The following ANO4 variants were observed in gnomAD, a reference collection of about 807,000 sequenced individuals.
The protein encoded by ANO4 is anoctamin 4, also known as anoctamin-4.
A neutral mutation model predicts 141.9 loss-of-function variants in ANO4; 69 were observed. The ratio of observed to expected loss-of-function variants is 0.49; its 90% CI spans 0.40 to 0.59. The LOEUF is 0.59. ANO4 is among the 20% of genes least tolerant of loss of function. The pLI is 0.00. For missense variants in ANO4, 894 were observed against 1,162.2 expected (o/e 0.77, Z 3.36); for synonymous variants, 350 against 394.3 (o/e 0.89, Z 1.33).
At chr12:100,774,173 A>C (rs1015707922) in intron 3 of ANO4, among the ~76,000 whole-genome samples, 2 of 138,452 alleles carry the variant, frequency 1.4e-5, no homozygotes, top group African/African-American at 5.1e-5. Context: ...TGTGCATCCT[A>C]TGTGGTTTTA....
intron 3 of ANO4, among the ~76,000 whole-genome samples, chr12:100,756,439 T>G (rs2032615434): frequency 6.6e-6 from 1 of 152,072 alleles, no homozygotes; most frequent in South Asian, 2.1e-4. Context: ...AACCTCTGCC[T>G]CCCAGATTCA....
intron 8 of ANO4, among the ~76,000 whole-genome samples, chr12:101,004,551 CAG>C (rs1385085909): frequency 6.6e-6 from 1 of 152,168 alleles, no homozygotes; most frequent in African/African-American, 2.4e-5. Flanking sequence ...CAGAGCATAT[CAG>C]AGAGACAGAC....
At chr12:100,828,054 AT>A (rs985169248) in intron 1 of ANO4, among the ~76,000 whole-genome samples, 1 of 151,612 alleles carries the variant, frequency 6.6e-6, no homozygotes, top group Non-Finnish European at 1.5e-5. Context: ...CTGTTAAAAA[AT>A]TTTTTTTTGA....
intron 1 of ANO4, among the ~76,000 whole-genome samples, chr12:100,804,908 T>G (rs1284232923): frequency 6.6e-6 from 1 of 152,236 alleles, no homozygotes; most frequent in East Asian, 1.9e-4. Flanking sequence ...GGTTGTCTGT[T>G]TGCTCTGATG....
At chr12:100,789,119 T>C (rs2033962706) in intron 3 of ANO4, among the ~76,000 whole-genome samples, 1 of 152,078 alleles carries the variant, frequency 6.6e-6, no homozygotes, top group Non-Finnish European at 1.5e-5. Context: ...TATTAGAGGC[T>C]CAAAAATATA....
At chr12:101,006,669 C>T (rs1181484352) in intron 8 of ANO4, among the ~76,000 whole-genome samples, 1 of 152,184 alleles carries the variant, frequency 6.6e-6, no homozygotes, top group African/African-American at 2.4e-5. Flanking sequence ...ACATCATGAA[C>T]CTCAATGCTG....
chr12:101,011,313 TTTTTC>T lies in ANO4; in HGVS notation c.735-8716_735-8712del, dbSNP rs1263407042. On this transcript the variant is annotated intron_variant, in intron 8 of 27. Coordinates refer to ENST00000392977, the MANE Select transcript of ANO4 (RefSeq NM_001286615.2). The stretch of plus-strand genomic sequence containing the variant: ...ACAGACATAGGAGGAATCATGGCCT[TTTTTC>T]TTTTTTTTTTTTTTTTTGCAATCTA... Among the ~76,000 whole-genome samples, 7 of 142,486 alleles carry T rather than the reference TTTTTC, an allele frequency of 4.9e-5. 1 individual carries two copies. The highest frequency in any genetic ancestry group is 1.9e-4 in the African/African-American group (7 of 37,512). 93.5% of individuals were successfully genotyped at this position (142,486 alleles called of 152,430 possible). A position where few individuals can be genotyped will look rare whatever the true frequency, so the allele number is the denominator to read the frequency against.
intron 5 of ANO4, among the ~76,000 whole-genome samples, chr12:100,957,172 G>A (rs1483630078): frequency 2.0e-5 from 3 of 152,304 alleles, no homozygotes; most frequent in East Asian, 1.9e-4. Flanking sequence ...GAAGCACAGC[G>A]CCAACACTTG....
intron 14 of ANO4, among the ~76,000 whole-genome samples, chr12:101,053,873 G>A (rs1453735434): frequency 6.6e-6 from 1 of 152,184 alleles, no homozygotes; most frequent in Non-Finnish European, 1.5e-5. Flanking sequence ...ATGGCTTCAC[G>A]CTGTAAGCAA....
chr12:100,760,123 G>A (rs1162999407), intron 3 of ANO4, among the ~76,000 whole-genome samples: 2 of 152,064 alleles, frequency 1.3e-5, no homozygotes, highest in African/African-American at 4.8e-5. Flanking sequence ...TTACTTCATT[G>A]CCTCTATTCT....
intron 16 of ANO4, among the ~76,000 whole-genome samples, chr12:101,085,222 A>T (rs538780355): frequency 5.9e-5 from 9 of 152,324 alleles, no homozygotes; most frequent in Admixed American, 3.3e-4. Context: ...TTTGATAATT[A>T]AGTGGGTTAA....
chr12:100,941,608 C>T (rs914430658), intron 4 of ANO4, among the ~76,000 whole-genome samples: 3 of 152,066 alleles, frequency 2.0e-5, no homozygotes, highest in African/African-American at 7.2e-5. Flanking sequence ...TGAGTTGACT[C>T]CAACTTTAAA....
At chr12:101,064,328 A>T (rs2653449) in intron 14 of ANO4, among the ~76,000 whole-genome samples, 2 of 151,994 alleles carry the variant, frequency 1.3e-5, no homozygotes, top group African/African-American at 4.8e-5. Flanking sequence ...CTAAATTTCC[A>T]CTTGCTGTTA....
intron 8 of ANO4, among the ~76,000 whole-genome samples, chr12:101,013,165 G>C (rs1315391567): frequency 1.3e-5 from 2 of 152,032 alleles, no homozygotes; most frequent in Non-Finnish European, 2.9e-5. Context: ...CCTTTATAAG[G>C]GTCCAGATCA....
At chr12:100,855,228 C>T (rs543905854) in intron 1 of ANO4, among the ~76,000 whole-genome samples, 33 of 152,206 alleles carry the variant, frequency 2.2e-4, no homozygotes, top group Non-Finnish European at 3.5e-4. Flanking sequence ...TTTGGTCCAT[C>T]GTATCCTTTT....
chr12:101,008,149 A>C (rs1206303642), intron 8 of ANO4, among the ~76,000 whole-genome samples: 1 of 152,130 alleles, frequency 6.6e-6, no homozygotes, highest in Admixed American at 6.6e-5. Flanking sequence ...TATCTTTGAC[A>C]AATATGTTAT....
chr12:100,914,436 TC>T (rs1161372191), intron 2 of ANO4, among the ~76,000 whole-genome samples: 2 of 152,214 alleles, frequency 1.3e-5, no homozygotes, highest in African/African-American at 4.8e-5. Flanking sequence ...ATATGTTTAT[TC>T]CTGCTAATAT....
intron 1 of ANO4, among the ~76,000 whole-genome samples, chr12:100,843,975 A>G (rs1175414975): frequency 6.6e-6 from 1 of 152,118 alleles, no homozygotes; most frequent in Non-Finnish European, 1.5e-5. Flanking sequence ...ATGCATGTCA[A>G]AGATGGCTGT....
At chr12:101,079,742 G>A (rs1236094721) in intron 15 of ANO4, among the ~76,000 whole-genome samples, 1 of 152,146 alleles carries the variant, frequency 6.6e-6, no homozygotes, top group African/African-American at 2.4e-5. Flanking sequence ...CCGTGCTGGG[G>A]ACAATCCACT....
Sources: gnomAD v4.1 joint callset for allele counts (sites outside exome capture counted in the v4.1 genomes callset) on GRCh38, gnomAD v4.1.1 for gene constraint, MANE v1.5 for transcripts, NCBI Gene and HGNC (gene_info 2026-07-23, HGNC 2026-07-21) for gene names.